The following CMIP variants were observed in gnomAD, a reference collection of about 807,000 sequenced individuals.
CMIP encodes C-Maf-inducing protein.
CMIP carries 13 observed loss-of-function variants against 97.3 expected under a neutral mutation model. The ratio of observed to expected loss-of-function variants is 0.13; its 90% CI spans 0.09 to 0.21. CMIP has a LOEUF of 0.21. Among genes scored for constraint, CMIP ranks in the 10% least tolerant of loss-of-function variants. The probability of loss-of-function intolerance (pLI) is 1.00; values close to 1 mark genes in which losing one functional copy is unlikely to be tolerated. For missense variants in CMIP, 847 were observed against 1,024.9 expected (o/e 0.83, Z 2.37); for synonymous variants, 538 against 436.3 (o/e 1.23, Z -2.91).
intron 1 of CMIP, among the ~76,000 whole-genome samples, chr16:81,490,172 G>C (rs544919876): frequency 2.2e-4 from 34 of 152,318 alleles, no homozygotes; most frequent in African/African-American, 7.2e-4. Context: ...CTCTCTGACA[G>C]AGTCATCACT....
intron 1 of CMIP, among the ~76,000 whole-genome samples, chr16:81,527,547 A>T (rs928031702): frequency 2.0e-5 from 3 of 152,210 alleles, no homozygotes; most frequent in African/African-American, 7.2e-5. Context: ...CCAGGCTATC[A>T]GTTGGATTTT....
chr16:81,538,706 G>A (rs1368766187), intron 1 of CMIP, among the ~76,000 whole-genome samples: 1 of 152,154 alleles, frequency 6.6e-6, no homozygotes, highest in Non-Finnish European at 1.5e-5. Context: ...CCTGAAGAAT[G>A]TGTCAGGATA....
chr16:81,486,928 G>C lies in CMIP; in HGVS notation c.300+41387G>C, dbSNP rs553443198. On this transcript the variant is annotated intron_variant, in intron 1 of 20. Transcript: ENST00000537098. ...GGCATCGCACATTCCATACTCCCCG[G>C]CCTCCTGGGGTTCAAAGGCGCACGG... is the stretch of plus-strand genomic sequence containing the variant. Among the ~76,000 whole-genome samples the C allele has an allele frequency of 3.3e-5, 5 of 152,380 alleles. No homozygotes were observed. The East Asian group carries it at 9.7e-4, about 29-fold the overall frequency.
intron 7 of CMIP, among the ~76,000 whole-genome samples, chr16:81,667,793 AGAGAGAGTGTGTGTGTGT>A (rs1427457425): frequency 1.6e-4 from 14 of 89,574 alleles, no homozygotes; most frequent in African/African-American, 5.4e-4. Context: ...AGAGAGAGAG[AGAGAGAGTGTGTGTGTGT>A]GTGTGTGTGT....
chr16:81,475,301 T>G (rs1339312782), intron 1 of CMIP, among the ~76,000 whole-genome samples: 1 of 152,220 alleles, frequency 6.6e-6, no homozygotes, highest in African/African-American at 2.4e-5. Flanking sequence ...CAAAGCAGGG[T>G]ATAAAATAAT....
Position 81,607,452 on chromosome 16 carries a change from C to T in CMIP, c.301-115C>T, listed in dbSNP as rs9928264. 5.1e-3 allele frequency: 6,888 copies of T among 1,356,220 alleles called. 290 individuals carry two copies. In the African/African-American group the frequency reaches 0.088, roughly 17 times the overall value. 84.0% of individuals were successfully genotyped at this position (1,356,220 alleles called of 1,614,324 possible). A position where few individuals can be genotyped will look rare whatever the true frequency, so the allele number is the denominator to read the frequency against. On this transcript the variant is annotated intron_variant, in intron 1 of 20. Transcript: ENST00000537098. ...CACCAGAGGTGCTGAGCTCCTGCAC[C>T]AGCTCCATTTGCCTGTCGCCAGAGG...
At chr16:81,671,487 C>T (rs2092682697) in intron 8 of CMIP, among the ~76,000 whole-genome samples, 1 of 152,302 alleles carries the variant, frequency 6.6e-6, no homozygotes, top group African/African-American at 2.4e-5. Flanking sequence ...TCTTCCAAAG[C>T]AGGATATGTT....
At chr16:81,690,135 T>C (rs552851300) in intron 10 of CMIP, among the ~76,000 whole-genome samples, 8 of 152,298 alleles carry the variant, frequency 5.3e-5, no homozygotes, top group Non-Finnish European at 4.4e-5. Flanking sequence ...CTTGGCAATG[T>C]GGGCTCTTTT....
chr16:81,626,816 T>TGTGTGG (rs1555540039), intron 3 of CMIP, among the ~76,000 whole-genome samples: 1 of 118,574 alleles, frequency 8.4e-6, no homozygotes, highest in African/African-American at 3.1e-5. Context: ...TGTGTGTGTG[T>TGTGTGG]GGGGTGCATA....
intron 1 of CMIP, among the ~76,000 whole-genome samples, chr16:81,549,945 T>C (rs1012351230): frequency 2.0e-5 from 3 of 152,256 alleles, no homozygotes; most frequent in African/African-American, 7.2e-5. Context: ...TGTGTGTGTG[T>C]ATGTGCACAC....
intron 1 of CMIP, among the ~76,000 whole-genome samples, chr16:81,579,848 C>T (rs917357305): frequency 4.0e-4 from 61 of 152,164 alleles, no homozygotes; most frequent in Admixed American, 7.2e-4. Context: ...CCCAGTTACT[C>T]GGGAGGCTGA....
intron 1 of CMIP, among the ~76,000 whole-genome samples, chr16:81,579,303 T>C (rs1454663516): frequency 6.6e-6 from 1 of 152,178 alleles, no homozygotes; most frequent in African/African-American, 2.4e-5. Context: ...CTCTCAGGTG[T>C]GGAAGGCATT....
chr16:81,620,992 C>A, intron 3 of CMIP, 66 bp downstream of exon 3: 3 of 1,592,320 alleles, frequency 1.9e-6, no homozygotes, highest in Non-Finnish European at 2.6e-6. Flanking sequence ...TAAAGCCAAT[C>A]TGTCACCCAG....
At chr16:81,557,737 G>A (rs139016991) in intron 1 of CMIP, among the ~76,000 whole-genome samples, 60 of 152,282 alleles carry the variant, frequency 3.9e-4, no homozygotes, top group Non-Finnish European at 8.4e-4. Context: ...CTCCACTCCA[G>A]CCTGGTTGAC....
intron 7 of CMIP, 196 bp downstream of exon 7, chr16:81,664,545 G>A (rs1331020289): frequency 2.6e-5 from 15 of 572,130 alleles, no homozygotes; most frequent in South Asian, 1.6e-4. Context: ...GCAACAGGAA[G>A]AATCTTTTTG....
At chr16:81,483,326 G>GTT (rs34106287) in intron 1 of CMIP, among the ~76,000 whole-genome samples, 36 of 151,770 alleles carry the variant, frequency 2.4e-4, no homozygotes, top group African/African-American at 6.0e-4. Context: ...AATTTACCTG[G>GTT]TTTTTTTTCT....
At chr16:81,638,227 A>T (rs921595366) in intron 3 of CMIP, among the ~76,000 whole-genome samples, 8 of 152,118 alleles carry the variant, frequency 5.3e-5, no homozygotes, top group Non-Finnish European at 8.8e-5. Flanking sequence ...ATCCAGCGTG[A>T]TCTCCCCATC....
chr16:81,512,051 A>T (rs543664973), intron 1 of CMIP, among the ~76,000 whole-genome samples: 2 of 152,348 alleles, frequency 1.3e-5, no homozygotes, highest in South Asian at 4.1e-4. Context: ...TATATGTTGA[A>T]GTGATAATAT....
chr16:81,532,690 C>T (rs867663908), intron 1 of CMIP, among the ~76,000 whole-genome samples: 2 of 152,186 alleles, frequency 1.3e-5, no homozygotes, highest in Non-Finnish European at 2.9e-5. Context: ...CTCCAGGAGC[C>T]TCCAAGGAAG....
Sources: gnomAD v4.1 joint callset for allele counts (sites outside exome capture counted in the v4.1 genomes callset) on GRCh38, gnomAD v4.1.1 for gene constraint, MANE v1.5 for transcripts, NCBI Gene and HGNC (gene_info 2026-07-23, HGNC 2026-07-21) for gene names.